The following INSC variants were observed in gnomAD, a reference collection of about 807,000 sequenced individuals.
The protein encoded by INSC is protein inscuteable homolog.
A neutral mutation model predicts 58.6 loss-of-function variants in INSC; 67 were observed. That is an observed-to-expected ratio of 1.14 (90% confidence interval 0.94 to 1.40). The LOEUF (loss-of-function observed/expected upper bound fraction) is 1.40. Among genes scored for constraint, INSC ranks in the 40% most tolerant of loss-of-function variants. The probability of loss-of-function intolerance (pLI) is 0.00; values close to 1 mark genes in which losing one functional copy is unlikely to be tolerated. For missense variants in INSC, 714 were observed against 692.0 expected, an observed-to-expected ratio of 1.03 and a Z score of -0.36; for synonymous variants, 262 against 276.1, an observed-to-expected ratio of 0.95 and a Z score of 0.51.
chr11:15,127,176 A>G (rs1443490056), intron 1 of INSC, among the ~76,000 whole-genome samples: 1 of 152,172 alleles, frequency 6.6e-6, no homozygotes, highest in Non-Finnish European at 1.5e-5. Context: ...GGCACCTAGG[A>G]TACATATTTA....
chr11:15,124,863 C>G (rs918728676), intron 1 of INSC, among the ~76,000 whole-genome samples: 1 of 152,178 alleles, frequency 6.6e-6, no homozygotes, highest in Non-Finnish European at 1.5e-5. Flanking sequence ...GTTACAGACT[C>G]ATTTGCTCAT....
At chr11:15,121,929 T>G (rs899308300) in intron 1 of INSC, among the ~76,000 whole-genome samples, 6 of 152,240 alleles carry the variant, frequency 3.9e-5, no homozygotes, top group African/African-American at 1.4e-4. Context: ...TGCTCTTCCT[T>G]ACTATTTACT....
chr11:15,113,398 A>T (rs1847621562), upstream of INSC, among the ~76,000 whole-genome samples: 1 of 152,060 alleles, frequency 6.6e-6, no homozygotes, highest in Admixed American at 6.5e-5. Context: ...GGACTTTGTG[A>T]TCTATCCACC....
At chr11:15,247,902 A>T (rs1303943518), downstream of INSC, among the ~76,000 whole-genome samples, 1 of 152,080 alleles carries the variant, frequency 6.6e-6, no homozygotes, top group Non-Finnish European at 1.5e-5. Flanking sequence ...AAATTTTGTC[A>T]TTGGCAACAA....
At chr11:15,165,964 G>A (rs1290902197) in intron 2 of INSC, among the ~76,000 whole-genome samples, 1 of 152,132 alleles carries the variant, frequency 6.6e-6, no homozygotes, top group African/African-American at 2.4e-5. Flanking sequence ...TGAGAGTGAA[G>A]TTGGGCTATC....
chr11:15,115,448 G>A (rs1239387707), intron 1 of INSC, among the ~76,000 whole-genome samples: 3 of 152,186 alleles, frequency 2.0e-5, no homozygotes, highest in South Asian at 2.1e-4. Context: ...CTGAACTCAG[G>A]CTTTCTAAGG....
intron 10 of INSC, among the ~76,000 whole-genome samples, chr11:15,236,477 C>A (rs929560422): frequency 1.3e-5 from 2 of 152,200 alleles, no homozygotes; most frequent in African/African-American, 4.8e-5. Flanking sequence ...GAGAGCAGGT[C>A]AGGGCAACCT....
intron 1 of INSC, among the ~76,000 whole-genome samples, 197 bp from the exon 2 acceptor site, chr11:15,148,933 T>G (rs1262416862): frequency 3.3e-5 from 5 of 152,222 alleles, no homozygotes; most frequent in African/African-American, 1.2e-4. Context: ...GGCTAGGGAC[T>G]TAGAAACAAG....
intron 7 of INSC, among the ~76,000 whole-genome samples, chr11:15,215,034 C>A (rs1258471907): frequency 1.3e-5 from 2 of 152,312 alleles, no homozygotes; most frequent in African/African-American, 4.8e-5. Flanking sequence ...TAGACTAAGA[C>A]AATTTCCATG....
chr11:15,201,200 G>A (rs1564899836), intron 7 of INSC, among the ~76,000 whole-genome samples: 1 of 152,292 alleles, frequency 6.6e-6, no homozygotes, highest in East Asian at 1.9e-4. Context: ...CCTGGGTGGG[G>A]TGACAACTGG....
intron 6 of INSC, among the ~76,000 whole-genome samples, chr11:15,191,151 T>C (rs1489590615): frequency 6.7e-6 from 1 of 150,296 alleles, no homozygotes; most frequent in Non-Finnish European, 1.5e-5. Flanking sequence ...CGGCTAATTT[T>C]TGTATTTTTA....
chr11:15,121,030 T>C (rs2078854123), intron 1 of INSC, among the ~76,000 whole-genome samples: 1 of 147,300 alleles, frequency 6.8e-6, no homozygotes, highest in South Asian at 2.2e-4. Flanking sequence ...TATATTTTTA[T>C]AATATATTTA....
rs117552383 is a variant in INSC, at chr11:15,225,197, T to C, written c.992-453T>C. Among the ~76,000 whole-genome samples, 700 of 152,362 alleles carry C rather than the reference T, an allele frequency of 4.6e-3. 5 individuals are homozygous for C. The highest frequency in any genetic ancestry group is 8.2e-3 in the Non-Finnish European group (556 of 68,030). ...AAGTCACATTCTTAGGGACACCTTT[T>C]GTTGCGCACCTCAGCGGAACACTAG... On this transcript the variant is annotated intron_variant, in intron 8 of 12. Transcript: ENST00000379556.
At chr11:15,188,476 A>G (rs532326113) in intron 5 of INSC, 40 of 439,802 alleles carry the variant, frequency 9.1e-5, no homozygotes, top group Non-Finnish European at 1.2e-4. Flanking sequence ...CTCCACTATG[A>G]AATGAAGATT....
chr11:15,232,398 T>C (rs1440093485), intron 9 of INSC, among the ~76,000 whole-genome samples: 1 of 152,220 alleles, frequency 6.6e-6, no homozygotes, highest in Non-Finnish European at 1.5e-5. Flanking sequence ...TGAATGCTCA[T>C]ACAGGACTTA....
chr11:15,178,235 T>G, intron 4 of INSC, 89 bp from the exon 5 acceptor site: 2 of 1,538,206 alleles, frequency 1.3e-6, no homozygotes, highest in Non-Finnish European at 1.8e-6. Flanking sequence ...ACACCAGGCT[T>G]GTAGCAGGTC....
intron 1 of INSC, among the ~76,000 whole-genome samples, chr11:15,134,877 C>A (rs1021777167): frequency 6.7e-6 from 1 of 149,182 alleles, no homozygotes; most frequent in Non-Finnish European, 1.5e-5. Flanking sequence ...CATATTGTGG[C>A]TTTCAGGTTG....
chr11:15,144,998 T>C (rs531011999), intron 1 of INSC, among the ~76,000 whole-genome samples: 1 of 152,298 alleles, frequency 6.6e-6, no homozygotes, highest in South Asian at 2.1e-4. Flanking sequence ...TTCAGTGAAT[T>C]AGGAAAGGCC....
At chr11:15,126,934 T>C (rs892774221) in intron 1 of INSC, among the ~76,000 whole-genome samples, 1 of 152,192 alleles carries the variant, frequency 6.6e-6, no homozygotes, top group Non-Finnish European at 1.5e-5. Flanking sequence ...GGACCCCTTA[T>C]GTATTCGTGA....
Sources: allele counts gnomAD v4.1 joint callset (sites outside exome capture counted in the v4.1 genomes callset), GRCh38; gene constraint gnomAD v4.1.1; transcripts MANE v1.5; gene names NCBI Gene and HGNC (gene_info 2026-07-23, HGNC 2026-07-21).